The following LGR5 variants were observed in gnomAD, a reference collection of about 807,000 sequenced individuals.
LGR5 encodes the protein leucine-rich repeat-containing G protein-coupled receptor 5.
LGR5 carries 54 observed loss-of-function variants against 76.7 expected under a neutral mutation model. That is an observed-to-expected ratio of 0.70 (90% CI 0.57 to 0.88). The LOEUF (loss-of-function observed/expected upper bound fraction) is 0.88. Ranked by LOEUF, LGR5 falls within the 40% of genes least tolerant of loss-of-function variation. LGR5 has a pLI of 0.00. For synonymous variants in LGR5, 406 were observed against 421.9 expected, an observed-to-expected ratio of 0.96 and a Z score of 0.46; for missense variants, 1,078 against 1,073.3, an observed-to-expected ratio of 1.00 and a Z score of -0.06.
At chr12:71,544,766 A>G (rs1565739499) in intron 4 of LGR5, among the ~76,000 whole-genome samples, 2 of 152,218 alleles carry the variant, frequency 1.3e-5, no homozygotes, top group Non-Finnish European at 2.9e-5. Context: ...GTACTTTGTT[A>G]AACTGTAATA....
chr12:71,575,733 T>A (rs1276615781), intron 13 of LGR5, among the ~76,000 whole-genome samples: 1 of 110,506 alleles, frequency 9.0e-6, no homozygotes, highest in Non-Finnish European at 2.2e-5. Flanking sequence ...TGTGTGTGTG[T>A]GTGTGTGTGT....
intron 7 of LGR5, 108 bp downstream of exon 7, chr12:71,559,762 T>C: frequency 1.7e-6 from 1 of 593,990 alleles, no homozygotes; most frequent in Non-Finnish European, 3.0e-6. Flanking sequence ...AATTTTAAGT[T>C]TATATAAATA....
At chr12:71,531,162 T>C (rs1876288569) in intron 3 of LGR5, among the ~76,000 whole-genome samples, 1 of 152,244 alleles carries the variant, frequency 6.6e-6, no homozygotes, top group African/African-American at 2.4e-5. Flanking sequence ...CTTTTCCTAA[T>C]CATATGTGAA....
chr12:71,537,242 G>A (rs61147303), intron 4 of LGR5, among the ~76,000 whole-genome samples: 8 of 150,914 alleles, frequency 5.3e-5, no homozygotes, highest in African/African-American at 1.9e-4. Flanking sequence ...TCACTTGGAG[G>A]CCAGGAGTTT....
At chr12:71,465,228 C>T (rs889585976) in intron 1 of LGR5, among the ~76,000 whole-genome samples, 1 of 152,110 alleles carries the variant, frequency 6.6e-6, no homozygotes, top group African/African-American at 2.4e-5. Context: ...CTAACATCTC[C>T]TAAAACTGGT....
At chr12:71,485,064 T>A (rs1055033207) in intron 1 of LGR5, among the ~76,000 whole-genome samples, 4 of 152,194 alleles carry the variant, frequency 2.6e-5, no homozygotes, top group Non-Finnish European at 5.9e-5. Context: ...ATTACCATAC[T>A]CTTGATATAT....
intron 1 of LGR5, among the ~76,000 whole-genome samples, chr12:71,442,298 G>A (rs1871802919): frequency 6.6e-6 from 1 of 151,980 alleles, no homozygotes; most frequent in Non-Finnish European, 1.5e-5. Context: ...TGTGCTCAGG[G>A]GAACTTACTG....
intron 5 of LGR5, 46 bp downstream of exon 5, chr12:71,553,334 C>G: frequency 6.6e-7 from 1 of 1,506,682 alleles, no homozygotes; most frequent in Non-Finnish European, 9.2e-7. Flanking sequence ...TCTAATGTCA[C>G]TGGAAGACCT....
Position 71,439,871 on chromosome 12 carries a change from G to C in LGR5, c.-210G>C, listed in dbSNP as rs537835552. The C allele has an allele frequency of 5.6e-6, 3 of 536,154 alleles. No individual in the cohort carries two copies. Among genetic ancestry groups the C allele is most frequent in the African/African-American group, 2.0e-5 (1 of 49,096 alleles). The allele number at this position is 536,154 out of a possible 1,614,324, so 33.2% of individuals were successfully genotyped here. The stretch of plus-strand genomic sequence containing the variant: ...TCGCCGCTGCAGCCAGGGCTGCTCC[G>C]AAGGCCGGCGTGGCGGCAACCGGCA... On this transcript the variant is annotated 5_prime_UTR_variant, in exon 1 of 18. Coordinates refer to ENST00000266674, the MANE Select transcript of LGR5 (RefSeq NM_003667.4).
At chr12:71,577,065 C>A (rs1017537979) in intron 13 of LGR5, among the ~76,000 whole-genome samples, 2 of 152,134 alleles carry the variant, frequency 1.3e-5, no homozygotes, top group Admixed American at 1.3e-4. Context: ...TCTGTGAATA[C>A]CATTTATTAA....
intron 1 of LGR5, among the ~76,000 whole-genome samples, chr12:71,496,075 T>TA (rs1874302604): frequency 6.6e-6 from 1 of 151,426 alleles, no homozygotes; most frequent in African/African-American, 2.4e-5. Context: ...ATGACTAAAA[T>TA]AAAAAAGAGA....
rs140100035 is a variant in LGR5, at chr12:71,472,002, A to C, written c.212+31710A>C. On this transcript the variant is annotated intron_variant, in intron 1 of 17. Coordinates refer to ENST00000266674, the MANE Select transcript of LGR5 (RefSeq NM_003667.4). ...AAATAAACTTTGGGGACTCAGGGAAAAGGGTAGAAGGGCGGTGAGGGATAA... is the reference window on the plus strand; with the variant it reads ...AAATAAACTTTGGGGACTCAGGGAACAGGGTAGAAGGGCGGTGAGGGATAA... 6.5e-3 allele frequency among the ~76,000 whole-genome samples: 989 copies of C among 152,292 alleles called. 7 individuals are homozygous for C. The highest frequency in any genetic ancestry group is 0.022 in the African/African-American group (919 of 41,542).
At chr12:71,510,152 T>A (rs1448198815) in intron 2 of LGR5, among the ~76,000 whole-genome samples, 1 of 152,200 alleles carries the variant, frequency 6.6e-6, no homozygotes, top group Non-Finnish European at 1.5e-5. Flanking sequence ...GAAAACATCT[T>A]CATGCCCATG....
intron 1 of LGR5, among the ~76,000 whole-genome samples, chr12:71,468,567 T>C (rs1353275572): frequency 6.6e-6 from 1 of 152,176 alleles, no homozygotes; most frequent in Non-Finnish European, 1.5e-5. Flanking sequence ...AGTTGGCCTA[T>C]TTGCAGAAAC....
chr12:71,546,838 G>T (rs528943309), intron 4 of LGR5, among the ~76,000 whole-genome samples: 2 of 152,246 alleles, frequency 1.3e-5, no homozygotes, highest in African/African-American at 4.8e-5. Context: ...TTTCTTGTAG[G>T]CAGGTAGCCC....
At chr12:71,524,534 A>G in intron 3 of LGR5, 57 bp downstream of exon 3, 1 of 1,230,718 alleles carries the variant, frequency 8.1e-7, no homozygotes, top group Non-Finnish European at 1.2e-6. Context: ...AATGGCTGCT[A>G]ATTAACTTGT....
Position 71,585,010 on chromosome 12 carries a change from AG to A in LGR5, c.*277del. 2.9e-6 allele frequency: 1 copy of A among 349,180 alleles called. No individual in the cohort carries two copies. The highest frequency in any genetic ancestry group is 7.4e-5 in the South Asian group (1 of 13,592). 21.6% of individuals were successfully genotyped at this position (349,180 alleles called of 1,614,324 possible). ...AAAAAAGCAGATTGAAATTTTCTTT[AG>A]AAAAGATTCTCCATGATTTGAATTG... On this transcript the variant is annotated 3_prime_UTR_variant, in exon 18 of 18. Transcript: ENST00000266674.
chr12:71,543,288 A>C (rs1163611290), intron 4 of LGR5, among the ~76,000 whole-genome samples: 1 of 152,148 alleles, frequency 6.6e-6, no homozygotes, highest in Non-Finnish European at 1.5e-5. Flanking sequence ...CTGGGCTGGG[A>C]GTTGGACCCA....
At chr12:71,533,067 C>G (rs1254473323) in intron 3 of LGR5, among the ~76,000 whole-genome samples, 2 of 152,014 alleles carry the variant, frequency 1.3e-5, no homozygotes, top group South Asian at 4.2e-4. Flanking sequence ...CTGGGCGTGG[C>G]GGCTCACACC....
Sources: gnomAD v4.1 joint callset for allele counts (sites outside exome capture counted in the v4.1 genomes callset) on GRCh38, gnomAD v4.1.1 for gene constraint, MANE v1.5 for transcripts, NCBI Gene and HGNC (gene_info 2026-07-23, HGNC 2026-07-21) for gene names.